The following ARHGAP25 variants were observed in gnomAD, a reference collection of about 807,000 sequenced individuals.
ARHGAP25 encodes rho GTPase-activating protein 25.
A neutral mutation model predicts 71.0 loss-of-function variants in ARHGAP25; 34 were observed. That is an observed-to-expected ratio of 0.48 (90% CI 0.36 to 0.64). ARHGAP25 has a LOEUF of 0.64. ARHGAP25 is among the 30% of genes least tolerant of loss of function. The pLI is 0.00. For synonymous variants in ARHGAP25, 282 were observed against 296.5 expected, an observed-to-expected ratio of 0.95 and a Z score of 0.50; for missense variants, 706 against 805.1, an observed-to-expected ratio of 0.88 and a Z score of 1.49.
At chr2:68,819,417 T>C (rs1261255343) in intron 9 of ARHGAP25, 98 bp downstream of exon 9, 1 of 1,290,668 alleles carries the variant, frequency 7.7e-7, no homozygotes, top group Admixed American at 1.8e-5. Flanking sequence ...TGGGGAGTTT[T>C]AGGTGATGCA....
At chr2:68,777,026 C>G (rs905930824) in intron 2 of ARHGAP25, among the ~76,000 whole-genome samples, 2 of 152,092 alleles carry the variant, frequency 1.3e-5, no homozygotes, top group South Asian at 4.1e-4. Context: ...AGGGAAGGAT[C>G]GCAGGGACCC....
chr2:68,785,563 G>C (rs577978963), intron 3 of ARHGAP25, among the ~76,000 whole-genome samples: 1 of 151,506 alleles, frequency 6.6e-6, no homozygotes, highest in Admixed American at 6.6e-5. Flanking sequence ...GGGGGTAAGG[G>C]CATCAGTTTT....
chr2:68,732,687 G>A (rs564594588), upstream of ARHGAP25, among the ~76,000 whole-genome samples: 4 of 152,334 alleles, frequency 2.6e-5, no homozygotes, highest in East Asian at 5.8e-4. Context: ...CCCCACTGCT[G>A]CTGAGGACTG....
intron 10 of ARHGAP25, among the ~76,000 whole-genome samples, chr2:68,824,072 G>A (rs1450485725): frequency 1.3e-5 from 2 of 152,212 alleles, no homozygotes; most frequent in African/African-American, 2.4e-5. Context: ...CTCATTCATT[G>A]TTCCACACAG....
At chr2:68,717,109 C>T (rs141771260) in intron 2 of ARHGAP25, among the ~76,000 whole-genome samples, 18 of 152,252 alleles carry the variant, frequency 1.2e-4, no homozygotes, top group African/African-American at 2.2e-4. Flanking sequence ...CCATATGGTA[C>T]GGGCTATTGC....
chr2:68,821,248 C>G (rs192733372), intron 9 of ARHGAP25, among the ~76,000 whole-genome samples: 23 of 152,162 alleles, frequency 1.5e-4, no homozygotes, highest in Admixed American at 6.5e-4. Context: ...GTGCATACTA[C>G]CATGCTGGGC....
chr2:68,761,531 A>C (rs866322797), intron 1 of ARHGAP25, among the ~76,000 whole-genome samples: 15 of 97,794 alleles, frequency 1.5e-4, no homozygotes, highest in Admixed American at 1.3e-3. Flanking sequence ...CCTAAACTCT[A>C]CAAAAAAAAA....
At chr2:68,805,047 G>A (rs901014598) in intron 4 of ARHGAP25, among the ~76,000 whole-genome samples, 1 of 152,190 alleles carries the variant, frequency 6.6e-6, no homozygotes, top group African/African-American at 2.4e-5. Context: ...CCATCTGGAT[G>A]TCAGGAAGGC....
At chr2:68,797,306 G>A (rs1679628206) in intron 4 of ARHGAP25, among the ~76,000 whole-genome samples, 2 of 152,130 alleles carry the variant, frequency 1.3e-5, no homozygotes, top group South Asian at 4.1e-4. Flanking sequence ...GGGAGGATAG[G>A]GCTGTCCCAG....
At position 68,743,890 on chromosome 2, in the gene ARHGAP25, C is replaced by G. The variant is rs561663924; in HGVS notation, c.61+8630C>G. Among the ~76,000 whole-genome samples the G allele has an allele frequency of 2.0e-5, 3 of 152,262 alleles. No homozygotes were observed. In the South Asian group the frequency reaches 6.2e-4, roughly 32 times the overall value. On this transcript the variant is annotated intron_variant, in intron 1 of 10. Coordinates refer to ENST00000409202, the MANE Select transcript of ARHGAP25 (RefSeq NM_001007231.3). Reference sequence around the variant, plus strand: ...GGTCGCTAGGCCCAGGGAAACAAAGCTGTAATTGTGTTAGGTGCTTTGTAT... The same window carrying G: ...GGTCGCTAGGCCCAGGGAAACAAAGGTGTAATTGTGTTAGGTGCTTTGTAT...
intron 1 of ARHGAP25, among the ~76,000 whole-genome samples, chr2:68,765,981 C>T (rs953325140): frequency 6.6e-6 from 1 of 152,200 alleles, no homozygotes; most frequent in Non-Finnish European, 1.5e-5. Context: ...AGTACTTGAG[C>T]ATTGCCCTGG....
intron 8 of ARHGAP25, among the ~76,000 whole-genome samples, chr2:68,818,686 G>C (rs1050265887): frequency 6.6e-6 from 1 of 152,238 alleles, no homozygotes; most frequent in Admixed American, 6.5e-5. Context: ...TGCTGTGCAG[G>C]CTTCTGAGGC....
At chr2:68,743,650 A>G (rs1050573872) in intron 1 of ARHGAP25, among the ~76,000 whole-genome samples, 3 of 152,194 alleles carry the variant, frequency 2.0e-5, no homozygotes, top group Admixed American at 2.0e-4. Flanking sequence ...TAGCAGATGT[A>G]GAGTTGTCAC....
intron 4 of ARHGAP25, among the ~76,000 whole-genome samples, chr2:68,796,937 C>T (rs1055741630): frequency 2.0e-5 from 3 of 152,096 alleles, no homozygotes; most frequent in Admixed American, 6.5e-5. Flanking sequence ...TTGTGTTAGC[C>T]GTTGTTTCAA....
chr2:68,818,348 G>A (rs1681382775), intron 8 of ARHGAP25, among the ~76,000 whole-genome samples: 1 of 152,118 alleles, frequency 6.6e-6, no homozygotes, highest in Non-Finnish European at 1.5e-5. Flanking sequence ...TATTTATTGA[G>A]TTGGAGCCTC....
chr2:68,735,505 C>T (rs561572093), intron 1 of ARHGAP25: 16 of 580,018 alleles, frequency 2.8e-5, no homozygotes, highest in African/African-American at 1.3e-4. Flanking sequence ...TGGGGTACTT[C>T]GGATGATTTA....
chr2:68,737,796 C>A (rs906481446), intron 1 of ARHGAP25, among the ~76,000 whole-genome samples: 2 of 152,104 alleles, frequency 1.3e-5, no homozygotes, highest in Non-Finnish European at 2.9e-5. Context: ...AGACACTGAC[C>A]CAGAATGTGA....
intron 2 of ARHGAP25, among the ~76,000 whole-genome samples, chr2:68,777,635 G>A (rs1052465679): frequency 7.2e-5 from 11 of 151,984 alleles, no homozygotes; most frequent in South Asian, 2.1e-4. Context: ...ATAATACATC[G>A]GATCAATAGG....
intron 1 of ARHGAP25, among the ~76,000 whole-genome samples, chr2:68,737,508 C>G (rs577466628): frequency 6.6e-6 from 1 of 152,144 alleles, no homozygotes; most frequent in Admixed American, 6.5e-5. Context: ...GTAACACCCC[C>G]CTACCACTAC....
Sources: allele counts gnomAD v4.1 joint callset (sites outside exome capture counted in the v4.1 genomes callset), GRCh38; gene constraint gnomAD v4.1.1; transcripts MANE v1.5; gene names NCBI Gene and HGNC (gene_info 2026-07-23, HGNC 2026-07-21).